The following MAP3K20 variants were observed in gnomAD, a reference collection of about 807,000 sequenced individuals.
The protein encoded by MAP3K20 is mitogen-activated protein kinase kinase kinase 20.
MAP3K20 carries 40 observed loss-of-function variants against 85.7 expected under a neutral mutation model. The observed-to-expected ratio is 0.47, with a 90% confidence interval of 0.36 to 0.61. The LOEUF (loss-of-function observed/expected upper bound fraction) is 0.61, where lower values mean the gene tolerates loss of function less well. Ranked by LOEUF, MAP3K20 falls within the 20% of genes least tolerant of loss-of-function variation. The pLI, the probability that MAP3K20 is intolerant of heterozygous loss-of-function variation, is 0.00. For synonymous variants in MAP3K20, 325 were observed against 327.7 expected (o/e 0.99, Z 0.09); for missense variants, 817 against 961.7 (o/e 0.85, Z 1.99).
intron 2 of MAP3K20, among the ~76,000 whole-genome samples, chr2:173,098,622 A>G (rs1226985345): frequency 6.6e-6 from 1 of 152,238 alleles, no homozygotes; most frequent in Non-Finnish European, 1.5e-5. Flanking sequence ...CCATTTTGGA[A>G]AAGATACTCA....
intron 2 of MAP3K20, among the ~76,000 whole-genome samples, chr2:173,100,874 A>G (rs1263595883): frequency 6.6e-6 from 1 of 152,192 alleles, no homozygotes; most frequent in Non-Finnish European, 1.5e-5. Context: ...GAACATAGTC[A>G]TCATCCGGAA....
At chr2:173,098,159 A>T (rs1287682379) in intron 2 of MAP3K20, among the ~76,000 whole-genome samples, 3 of 152,246 alleles carry the variant, frequency 2.0e-5, no homozygotes, top group Non-Finnish European at 4.4e-5. Flanking sequence ...AAAATTAATT[A>T]TCTTAGATAT....
At chr2:173,196,361 C>T (rs1017512423) in intron 7 of MAP3K20, among the ~76,000 whole-genome samples, 2 of 151,788 alleles carry the variant, frequency 1.3e-5, no homozygotes, top group Admixed American at 1.3e-4. Flanking sequence ...GATTGCATAC[C>T]TGTTCTGTCA....
intron 2 of MAP3K20, chr2:173,160,511 C>T (rs910795222): frequency 6.6e-6 from 1 of 152,116 alleles, no homozygotes; most frequent in Admixed American, 6.5e-5. Context: ...GTTTTTGACT[C>T]AGTCAAGATC....
chr2:173,144,486 GA>G (rs1230409644), intron 2 of MAP3K20, among the ~76,000 whole-genome samples: 2 of 120,210 alleles, frequency 1.7e-5, no homozygotes, highest in Admixed American at 8.4e-5. Flanking sequence ...AAAAAAAAAA[GA>G]AAAGAAAGAA....
At chr2:173,085,750 C>T (rs77322262) in intron 1 of MAP3K20, among the ~76,000 whole-genome samples, 2 of 138,106 alleles carry the variant, frequency 1.4e-5, no homozygotes, top group Admixed American at 7.3e-5. Flanking sequence ...AGCATTGTTG[C>T]GTGGAGCAAA....
intron 3 of MAP3K20, among the ~76,000 whole-genome samples, chr2:173,181,354 AC>A (rs1574084374): frequency 1.4e-5 from 2 of 138,292 alleles, no homozygotes; most frequent in African/African-American, 5.4e-5. Flanking sequence ...CCATAGCAAG[AC>A]CCCTTTCTCA....
chr2:173,119,148 A>G (rs894676390), intron 2 of MAP3K20, among the ~76,000 whole-genome samples: 1 of 152,244 alleles, frequency 6.6e-6, no homozygotes, highest in African/African-American at 2.4e-5. Context: ...TAAGGGAGGA[A>G]CAGACTTGGA....
chr2:173,108,986 A>G (rs1029628743), intron 2 of MAP3K20, among the ~76,000 whole-genome samples: 1 of 152,208 alleles, frequency 6.6e-6, no homozygotes, highest in Admixed American at 6.5e-5. Context: ...TGAGTTTTCA[A>G]TCATGCAAAG....
intron 2 of MAP3K20, among the ~76,000 whole-genome samples, chr2:173,149,502 G>GTT (rs1276143129): frequency 1.6e-5 from 1 of 62,138 alleles, no homozygotes; most frequent in Non-Finnish European, 3.8e-5. Context: ...AAATAAAAAA[G>GTT]TTTATTTTTT....
intron 12 of MAP3K20, among the ~76,000 whole-genome samples, chr2:173,229,949 A>G (rs1292864900): frequency 1.3e-5 from 2 of 152,178 alleles, no homozygotes; most frequent in Non-Finnish European, 2.9e-5. Context: ...CTCCTGCCTC[A>G]GCCTCCTGAG....
chr2:173,243,224 G>A (rs1254357935), intron 16 of MAP3K20, among the ~76,000 whole-genome samples: 1 of 152,154 alleles, frequency 6.6e-6, no homozygotes, highest in African/African-American at 2.4e-5. Flanking sequence ...TGGTTCCACG[G>A]GAGTTCACTG....
chr2:173,225,027 T>C, intron 11 of MAP3K20: 4 of 983,970 alleles, frequency 4.1e-6, no homozygotes, highest in Non-Finnish European at 4.8e-6. Context: ...GATAATTGAA[T>C]CTCTCAGTTG....
chr2:173,200,181 ATATT>A (rs1184104630), intron 8 of MAP3K20, among the ~76,000 whole-genome samples: 3 of 152,344 alleles, frequency 2.0e-5, no homozygotes, highest in African/African-American at 7.2e-5. Flanking sequence ...ATTCTGTACA[ATATT>A]TATTTGTCAA....
intron 3 of MAP3K20, among the ~76,000 whole-genome samples, chr2:173,180,827 G>C (rs1366644350): frequency 1.3e-5 from 2 of 152,102 alleles, no homozygotes; most frequent in Non-Finnish European, 2.9e-5. Context: ...ATGCTTTGGG[G>C]TTAAGCAAAG....
In MAP3K20 at chr2:173,090,521, G is replaced by A. The variant is rs145518516; in HGVS notation, c.-34-477G>A. On this transcript the variant is annotated intron_variant, in intron 1 of 19. Coordinates refer to ENST00000375213, the MANE Select transcript of MAP3K20 (RefSeq NM_016653.3). ...GTGTTCAGTTTGCAGCCGTTTGGCT[G>A]TCTGTGTACCAGGATGCTCGGTGGC... is the stretch of plus-strand genomic sequence containing the variant. 1.5e-5 allele frequency: 10 copies of A among 667,350 alleles called. 1 individual carries two copies. In the East Asian group the frequency reaches 6.9e-4, roughly 46 times the overall value. 41.3% of individuals were successfully genotyped at this position (667,350 alleles called of 1,614,324 possible).
intron 2 of MAP3K20, among the ~76,000 whole-genome samples, chr2:173,098,901 C>A (rs558708917): frequency 1.3e-5 from 2 of 152,346 alleles, no homozygotes; most frequent in African/African-American, 4.8e-5. Flanking sequence ...CCTCACCCCA[C>A]ACCAAATGAG....
At position 173,195,188 on chromosome 2, in the gene MAP3K20, T is replaced by TAA. The variant is rs34601946; in HGVS notation, c.583-2818_583-2817dup. Reference sequence around the variant, plus strand: ...GAGAACACAAGGCCTAGCCTCTCTTTAAAAAAAAAAAAAAAAAAAAAGCTA... The same window carrying TAA: ...GAGAACACAAGGCCTAGCCTCTCTTTAAAAAAAAAAAAAAAAAAAAAAAGCTA... On this transcript the variant is annotated intron_variant, in intron 7 of 19. Coordinates refer to ENST00000375213, the MANE Select transcript of MAP3K20 (RefSeq NM_016653.3). 3.6e-3 allele frequency among the ~76,000 whole-genome samples: 448 copies of TAA among 122,774 alleles called. 1 individual carries two copies. The highest frequency in any genetic ancestry group is 0.012 in the African/African-American group (414 of 33,390). The allele number at this position is 122,774 out of a possible 152,430, so 80.5% of individuals were successfully genotyped here. A position where few individuals can be genotyped will look rare whatever the true frequency, so the allele number is the denominator to read the frequency against.
At chr2:173,223,311 C>A in intron 11 of MAP3K20, 1 of 923,552 alleles carries the variant, frequency 1.1e-6, no homozygotes, top group Non-Finnish European at 1.3e-6. Context: ...TATCTTTGTG[C>A]GTCTGTTTGC....
Sources: allele counts gnomAD v4.1 joint callset (sites outside exome capture counted in the v4.1 genomes callset), GRCh38; gene constraint gnomAD v4.1.1; transcripts MANE v1.5; gene names NCBI Gene and HGNC (gene_info 2026-07-23, HGNC 2026-07-21).